Variants in ZMAT4 observed in about 807,000 individuals in gnomAD.
The protein encoded by ZMAT4 is zinc finger matrin-type 4.
Under a neutral mutation model 28.7 loss-of-function variants are expected in ZMAT4, and 17 were observed. That is an observed-to-expected ratio of 0.59 (90% CI 0.41 to 0.89). The LOEUF (loss-of-function observed/expected upper bound fraction) is 0.89. Ranked by LOEUF, ZMAT4 falls within the 40% of genes least tolerant of loss-of-function variation. ZMAT4 has a pLI of 0.00. For synonymous variants in ZMAT4, 117 were observed against 109.2 expected (o/e 1.07, Z -0.44); for missense variants, 240 against 283.8 (o/e 0.85, Z 1.11).
At chr8:40,573,953 T>C (rs1804180894) in intron 6 of ZMAT4, among the ~76,000 whole-genome samples, 1 of 152,214 alleles carries the variant, frequency 6.6e-6, no homozygotes, top group Admixed American at 6.5e-5. Context: ...AATAATCTTT[T>C]TTCTTACCAA....
At chr8:40,689,031 G>A (rs1042561056) in intron 4 of ZMAT4, among the ~76,000 whole-genome samples, 1 of 152,222 alleles carries the variant, frequency 6.6e-6, no homozygotes, top group Admixed American at 6.5e-5. Context: ...TGTAACTGTT[G>A]ATAGAGACCG....
Position 40,655,059 on chromosome 8 carries a change from T to TAC in ZMAT4, c.577+19643_577+19644dup, listed in dbSNP as rs3038823. Among the ~76,000 whole-genome samples the TAC allele has an allele frequency of 4.4e-3, 651 of 148,822 alleles. 6 individuals carry two copies. The highest frequency in any genetic ancestry group is 0.014 in the African/African-American group (581 of 40,570). ...TATTTAGAAAATCCTAAGGAATACC[T>TAC]ACACACACACACACACACACACAGC... On this transcript the variant is annotated intron_variant, in intron 5 of 6. Coordinates refer to ENST00000297737, the MANE Select transcript of ZMAT4 (RefSeq NM_024645.3).
At chr8:40,715,330 A>G (rs1810804933) in intron 3 of ZMAT4, among the ~76,000 whole-genome samples, 1 of 152,160 alleles carries the variant, frequency 6.6e-6, no homozygotes, top group African/African-American at 2.4e-5. Flanking sequence ...CTGATTATAA[A>G]GACATAGCTG....
intron 1 of ZMAT4, among the ~76,000 whole-genome samples, chr8:40,868,429 T>A (rs956842939): frequency 6.6e-6 from 1 of 152,142 alleles, no homozygotes; most frequent in African/African-American, 2.4e-5. Context: ...GAAGTAAACC[T>A]GGCACCCCAC....
At chr8:40,873,320 G>A (rs985611997) in intron 1 of ZMAT4, among the ~76,000 whole-genome samples, 3 of 152,156 alleles carry the variant, frequency 2.0e-5, no homozygotes, top group African/African-American at 7.2e-5. Flanking sequence ...CAGAAATAAA[G>A]CTATTTTAAA....
chr8:40,894,135 G>A (rs1273891178), intron 1 of ZMAT4, among the ~76,000 whole-genome samples: 1 of 152,236 alleles, frequency 6.6e-6, no homozygotes, highest in East Asian at 1.9e-4. Flanking sequence ...GCAGGCGCAG[G>A]CCTCAGGACA....
intron 1 of ZMAT4, among the ~76,000 whole-genome samples, chr8:40,859,553 T>C (rs1817417951): frequency 6.6e-6 from 1 of 152,152 alleles, no homozygotes; most frequent in Admixed American, 6.5e-5. Flanking sequence ...TTGCCTTCAG[T>C]GGGCTTTTAA....
intron 1 of ZMAT4, among the ~76,000 whole-genome samples, chr8:40,872,856 G>A (rs1817911224): frequency 6.6e-6 from 1 of 152,006 alleles, no homozygotes; most frequent in Non-Finnish European, 1.5e-5. Flanking sequence ...AGCTGTTTTG[G>A]AATTTAAAGG....
chr8:40,817,699 C>T (rs967973406), intron 2 of ZMAT4, among the ~76,000 whole-genome samples: 9 of 152,298 alleles, frequency 5.9e-5, no homozygotes, highest in Non-Finnish European at 1.2e-4. Flanking sequence ...CATTCCCACT[C>T]AACAGGGAGG....
intron 2 of ZMAT4, among the ~76,000 whole-genome samples, chr8:40,773,193 TAC>T (rs1374990041): frequency 2.6e-5 from 4 of 152,198 alleles, no homozygotes. Flanking sequence ...AAACTCCGTG[TAC>T]CTAGAATGAA....
rs1815018319 is a variant in ZMAT4 at position 40,805,013 on chromosome 8, C to T, written c.102+20562G>A. ...AACTACCATCAGAGTGAACAGGCAA[C>T]CTACAAAATGGGAGAAAATTTTCGC... is the stretch of plus-strand genomic sequence containing the variant. On this transcript the variant is annotated intron_variant, in intron 2 of 6. Coordinates refer to ENST00000297737, the MANE Select transcript of ZMAT4 (RefSeq NM_024645.3). Among the ~76,000 whole-genome samples the T allele has an allele frequency of 6.7e-5, 10 of 148,816 alleles. No homozygotes were observed. In the South Asian group the frequency reaches 2.1e-3, roughly 31 times the overall value.
In ZMAT4 at chr8:40,859,431, G is replaced by T. The variant is rs540964829; in HGVS notation, c.-4-33751C>A. Among the ~76,000 whole-genome samples, 3 of 151,966 alleles carry T rather than the reference G, an allele frequency of 2.0e-5. No individual in the cohort carries two copies. The South Asian group carries it at 6.3e-4, about 32-fold the overall frequency. ...TCTTCAATCCCTCAAAATCCCTGCC[G>T]GTGGCAGTAGAAGTGTCTAGCAACG... On this transcript the variant is annotated intron_variant, in intron 1 of 6. Coordinates refer to ENST00000297737, the MANE Select transcript of ZMAT4 (RefSeq NM_024645.3).
chr8:40,536,416 A>G (rs978303815), intron 6 of ZMAT4, among the ~76,000 whole-genome samples: 6 of 152,210 alleles, frequency 3.9e-5, no homozygotes, highest in Admixed American at 3.9e-4. Context: ...CTGGTGTTGC[A>G]ATGCCTCACT....
intron 3 of ZMAT4, among the ~76,000 whole-genome samples, chr8:40,743,137 T>C (rs1222484872): frequency 1.3e-5 from 2 of 152,190 alleles, no homozygotes; most frequent in Non-Finnish European, 2.9e-5. Context: ...TTGTACATCA[T>C]TTTGTAATCA....
chr8:40,671,649 G>T (rs1409414072), intron 5 of ZMAT4, among the ~76,000 whole-genome samples: 2 of 152,196 alleles, frequency 1.3e-5, no homozygotes, highest in Admixed American at 6.5e-5. Flanking sequence ...GAGAAAAGTG[G>T]TTCTCTGGAA....
At chr8:40,692,857 G>A (rs1363716269) in intron 4 of ZMAT4, among the ~76,000 whole-genome samples, 2 of 152,108 alleles carry the variant, frequency 1.3e-5, no homozygotes, top group African/African-American at 4.8e-5. Flanking sequence ...GATTTTGAAT[G>A]AGATCTTGCT....
intron 5 of ZMAT4, among the ~76,000 whole-genome samples, chr8:40,582,695 G>C (rs1013315969): frequency 6.6e-6 from 1 of 152,152 alleles, no homozygotes; most frequent in South Asian, 2.1e-4. Context: ...TGCTACCTGG[G>C]TAACTTTATG....
At chr8:40,546,857 T>C (rs1803218279) in intron 6 of ZMAT4, among the ~76,000 whole-genome samples, 1 of 152,182 alleles carries the variant, frequency 6.6e-6, no homozygotes, top group African/African-American at 2.4e-5. Flanking sequence ...TCCTACTGCC[T>C]CTGCCAGTTC....
chr8:40,693,549 C>A (rs1809747168), intron 4 of ZMAT4, among the ~76,000 whole-genome samples: 1 of 152,180 alleles, frequency 6.6e-6, no homozygotes, highest in African/African-American at 2.4e-5. Flanking sequence ...AAACCCTTTG[C>A]CTCCTTGATG....
Sources: allele counts gnomAD v4.1 joint callset (sites outside exome capture counted in the v4.1 genomes callset), GRCh38; gene constraint gnomAD v4.1.1; transcripts MANE v1.5; gene names NCBI Gene and HGNC (gene_info 2026-07-23, HGNC 2026-07-21).